The following GALNT13 variants were observed in gnomAD, a reference collection of about 807,000 sequenced individuals.
GALNT13 encodes polypeptide N-acetylgalactosaminyltransferase 13, also known as UDP-GalNAc:polypeptide N-acetylgalactosaminyltransferase 13.
Under a neutral mutation model 64.2 loss-of-function variants are expected in GALNT13, and 28 were observed. The observed-to-expected ratio is 0.44, with a 90% confidence interval of 0.32 to 0.60. The LOEUF is 0.60. Among genes scored for constraint, GALNT13 ranks in the 20% least tolerant of loss-of-function variants. The pLI is 0.05. For missense variants in GALNT13, 577 were observed against 669.8 expected, an observed-to-expected ratio of 0.86 and a Z score of 1.53; for synonymous variants, 214 against 224.6, an observed-to-expected ratio of 0.95 and a Z score of 0.42.
chr2:153,466,075 A>G, the GALNT13 span, among the ~76,000 whole-genome samples: 1 of 152,084 alleles, frequency 6.6e-6, no homozygotes, highest in African/African-American at 2.4e-5. Flanking sequence ...TCAAAGATCC[A>G]GTCTAACCAT....
the GALNT13 span, among the ~76,000 whole-genome samples, chr2:153,069,262 G>A: frequency 1.3e-5 from 2 of 152,128 alleles, no homozygotes; most frequent in African/African-American, 2.4e-5. Context: ...TCACTTTTCT[G>A]TTGTCCTTTC....
At chr2:153,910,584 T>G (rs1376864911) in intron 2 of GALNT13, among the ~76,000 whole-genome samples, 1 of 152,144 alleles carries the variant, frequency 6.6e-6, no homozygotes, top group East Asian at 1.9e-4. Flanking sequence ...TGCTTCAAAT[T>G]TTCATCTTAA....
the GALNT13 span, among the ~76,000 whole-genome samples, chr2:153,599,966 T>A: frequency 6.6e-6 from 1 of 152,040 alleles, no homozygotes; most frequent in Non-Finnish European, 1.5e-5. Context: ...CCAGCCTTAA[T>A]AAGGCAGCAG....
At chr2:153,451,315 C>T in the GALNT13 span, among the ~76,000 whole-genome samples, 1 of 152,084 alleles carries the variant, frequency 6.6e-6, no homozygotes, top group African/African-American at 2.4e-5. Context: ...CCTCTTCCAA[C>T]CCATATGTAA....
the GALNT13 span, among the ~76,000 whole-genome samples, chr2:153,498,512 G>T: frequency 6.6e-6 from 1 of 152,232 alleles, no homozygotes; most frequent in Non-Finnish European, 1.5e-5. Context: ...TGGCTGCTGT[G>T]GTGGGGCGGG....
intron 7 of GALNT13, among the ~76,000 whole-genome samples, chr2:154,252,116 G>T (rs1338949686): frequency 1.3e-5 from 2 of 151,786 alleles, no homozygotes; most frequent in Non-Finnish European, 2.9e-5. Context: ...TTAGAACTAA[G>T]CTGTGGTCTC....
At chr2:154,197,541 T>G (rs144836975) in intron 4 of GALNT13, among the ~76,000 whole-genome samples, 167 of 152,156 alleles carry the variant, frequency 1.1e-3, no homozygotes, top group African/African-American at 4.0e-3. Context: ...TCCAGATGAT[T>G]AAAGACTTCA....
chr2:153,244,735 AGGTGCCT>A, the GALNT13 span, among the ~76,000 whole-genome samples: 1 of 152,186 alleles, frequency 6.6e-6, no homozygotes, highest in African/African-American at 2.4e-5. Context: ...CTTGAAACCC[AGGTGCCT>A]GGTGGTGATC....
chr2:154,149,213 G>A (rs1683818610), intron 4 of GALNT13, among the ~76,000 whole-genome samples: 1 of 152,044 alleles, frequency 6.6e-6, no homozygotes, highest in Non-Finnish European at 1.5e-5. Context: ...ATTTTTCTCA[G>A]GTTTATCAAA....
At chr2:154,241,019 C>G (rs1052249293) in intron 4 of GALNT13, among the ~76,000 whole-genome samples, 10 of 152,130 alleles carry the variant, frequency 6.6e-5, no homozygotes, top group African/African-American at 2.2e-4. Context: ...CCGGTGCCTG[C>G]TGGTGCATCC....
intron 4 of GALNT13, among the ~76,000 whole-genome samples, chr2:154,202,455 T>A (rs62171196): frequency 0.34 from 51,615 of 151,914 alleles, 9,078 homozygotes; most frequent in Middle Eastern, 0.51. Context: ...TATTCTTAAG[T>A]GGACACTTTA....
At chr2:154,297,657 T>C (rs1693004522) in intron 8 of GALNT13, among the ~76,000 whole-genome samples, 1 of 152,188 alleles carries the variant, frequency 6.6e-6, no homozygotes, top group Non-Finnish European at 1.5e-5. Flanking sequence ...CCCAGGATTT[T>C]GTTATGGCAG....
At chr2:154,362,625 G>A (rs912370153) in intron 9 of GALNT13, among the ~76,000 whole-genome samples, 1 of 151,896 alleles carries the variant, frequency 6.6e-6, no homozygotes, top group Admixed American at 6.6e-5. Flanking sequence ...TGATATACAA[G>A]AAGAAAAAAT....
At chr2:153,392,544 G>A in the GALNT13 span, among the ~76,000 whole-genome samples, 3 of 152,040 alleles carry the variant, frequency 2.0e-5, no homozygotes, top group Admixed American at 6.6e-5. Flanking sequence ...ATAGATCTAC[G>A]AAGGTAAGCT....
At chr2:153,979,097 AGTT>A (rs1694275632) in intron 3 of GALNT13, among the ~76,000 whole-genome samples, 3 of 152,168 alleles carry the variant, frequency 2.0e-5, no homozygotes, top group Non-Finnish European at 4.4e-5. Context: ...TAATAACAAT[AGTT>A]ATTATTATTA....
At chr2:153,764,164 A>G in the GALNT13 span, among the ~76,000 whole-genome samples, 1 of 152,198 alleles carries the variant, frequency 6.6e-6, no homozygotes, top group Non-Finnish European at 1.5e-5. Context: ...CCCATGCCCT[A>G]CAAGTCTGTG....
chr2:153,466,974 A>G, the GALNT13 span, among the ~76,000 whole-genome samples: 3 of 152,180 alleles, frequency 2.0e-5, no homozygotes, highest in South Asian at 4.1e-4. Flanking sequence ...TAAGTGCTCA[A>G]TAAAAAAATA....
chr2:154,295,881 G>A (rs1692894852), intron 8 of GALNT13, among the ~76,000 whole-genome samples: 1 of 152,136 alleles, frequency 6.6e-6, no homozygotes, highest in South Asian at 2.1e-4. Flanking sequence ...ATGATGGCTT[G>A]CCGTTGTTGG....
chr2:153,070,715 G>A, the GALNT13 span, among the ~76,000 whole-genome samples: 16 of 152,130 alleles, frequency 1.1e-4, no homozygotes, highest in Admixed American at 7.2e-4. Flanking sequence ...GAAGTACTAA[G>A]GAGCTCTTCT....
Sources: allele counts gnomAD v4.1 joint callset (sites outside exome capture counted in the v4.1 genomes callset), GRCh38; gene constraint gnomAD v4.1.1; transcripts MANE v1.5; gene names NCBI Gene and HGNC (gene_info 2026-07-23, HGNC 2026-07-21).